Variants in FSTL5 observed in about 807,000 individuals in gnomAD.
FSTL5 encodes the protein follistatin like 5.
A neutral mutation model predicts 89.1 loss-of-function variants in FSTL5; 62 were observed. That is an observed-to-expected ratio of 0.70 (90% CI 0.57 to 0.86). The LOEUF (loss-of-function observed/expected upper bound fraction) is 0.86, where lower values mean the gene tolerates loss of function less well. Among genes scored for constraint, FSTL5 ranks in the 40% least tolerant of loss-of-function variants. FSTL5 has a pLI of 0.00. For missense variants in FSTL5, 1,057 were observed against 1,001.6 expected (o/e 1.06, Z -0.75); for synonymous variants, 383 against 346.2 (o/e 1.11, Z -1.18).
At chr4:161,820,092 C>G (rs905355462) in intron 4 of FSTL5, among the ~76,000 whole-genome samples, 3 of 152,004 alleles carry the variant, frequency 2.0e-5, no homozygotes, top group Non-Finnish European at 4.4e-5. Context: ...TGCAATATAA[C>G]AGAAGTGTAA....
intron 4 of FSTL5, among the ~76,000 whole-genome samples, chr4:161,875,163 G>C (rs139651868): frequency 7.2e-4 from 110 of 152,124 alleles, no homozygotes; most frequent in African/African-American, 2.5e-3. Context: ...TTTATTTGGA[G>C]GCAGGGAACC....
intron 6 of FSTL5, among the ~76,000 whole-genome samples, chr4:161,751,540 C>A (rs958891664): frequency 2.0e-5 from 3 of 152,092 alleles, no homozygotes; most frequent in African/African-American, 7.2e-5. Flanking sequence ...GTAATCCCAG[C>A]ACTTTGGGAG....
intron 6 of FSTL5, among the ~76,000 whole-genome samples, chr4:161,708,338 T>G (rs1181346713): frequency 6.6e-6 from 1 of 151,994 alleles, no homozygotes; most frequent in African/African-American, 2.4e-5. Context: ...TAGAGGCACT[T>G]ACAGTTTACA....
At chr4:161,522,165 GAACAAAC>G (rs1173744021) in intron 10 of FSTL5, among the ~76,000 whole-genome samples, 17 of 152,208 alleles carry the variant, frequency 1.1e-4, no homozygotes, top group African/African-American at 4.1e-4. Flanking sequence ...AACAAGGGCA[GAACAAAC>G]AACAGATAGC....
chr4:161,749,771 G>T (rs1201092496), intron 6 of FSTL5, among the ~76,000 whole-genome samples: 1 of 151,138 alleles, frequency 6.6e-6, no homozygotes, highest in Non-Finnish European at 1.5e-5. Flanking sequence ...CAGCCTGGGC[G>T]ACAGAGCGAG....
chr4:161,729,346 A>T (rs1739527137), intron 6 of FSTL5, among the ~76,000 whole-genome samples: 1 of 152,090 alleles, frequency 6.6e-6, no homozygotes, highest in African/African-American at 2.4e-5. Context: ...TCTTCCCATC[A>T]ATTTTCCTGT....
chr4:161,934,186 T>C (rs964367678), intron 3 of FSTL5, among the ~76,000 whole-genome samples: 6 of 152,122 alleles, frequency 3.9e-5, no homozygotes, highest in African/African-American at 1.4e-4. Flanking sequence ...AAACTTATGC[T>C]TTCTTGAACT....
At position 161,681,474 on chromosome 4, in the gene FSTL5, T is replaced by G. The variant is rs137873553; in HGVS notation, c.728-24980A>C. On this transcript the variant is annotated intron_variant, in intron 6 of 15. Coordinates refer to ENST00000306100, the MANE Select transcript of FSTL5 (RefSeq NM_020116.5). ...TTAGGGGTATACTAAACATATATAT[T>G]GCATTGACACTGACAAATAACAAGA... Among the ~76,000 whole-genome samples the G allele has an allele frequency of 5.9e-3, 904 of 152,224 alleles. 11 individuals carry two copies. Among genetic ancestry groups the G allele is most frequent in the South Asian group, 0.046 (224 of 4,824 alleles).
intron 4 of FSTL5, among the ~76,000 whole-genome samples, chr4:161,796,249 T>C (rs1345277016): frequency 6.6e-6 from 1 of 151,814 alleles, no homozygotes; most frequent in Non-Finnish European, 1.5e-5. Context: ...TAGTCGAAAG[T>C]TTCCCTCACC....
At chr4:161,721,060 T>C (rs1364152109) in intron 6 of FSTL5, among the ~76,000 whole-genome samples, 1 of 150,952 alleles carries the variant, frequency 6.6e-6, no homozygotes, top group Non-Finnish European at 1.5e-5. Flanking sequence ...GGGTGGATCA[T>C]GAGGTCAGGA....
chr4:162,089,174 T>C (rs1730440689), intron 2 of FSTL5, among the ~76,000 whole-genome samples: 1 of 152,122 alleles, frequency 6.6e-6, no homozygotes, highest in African/African-American at 2.4e-5. Flanking sequence ...CACTTGCTAG[T>C]TGCTGGCACC....
rs944081022 is a variant in FSTL5, at chr4:161,582,581, C to G, written c.1015+4874G>C. Among the ~76,000 whole-genome samples, 36 of 152,128 alleles carry G rather than the reference C, an allele frequency of 2.4e-4. 1 individual carries two copies. Among genetic ancestry groups the G allele is most frequent in the African/African-American group, 7.0e-4 (29 of 41,494 alleles). On this transcript the variant is annotated intron_variant, in intron 8 of 15. Transcript: ENST00000306100. ...CATAAAACCAAAGGAGAGGAACACACTAAAAAAGAGACAGTACCAATTTTA... is the reference window on the plus strand; with the variant it reads ...CATAAAACCAAAGGAGAGGAACACAGTAAAAAAGAGACAGTACCAATTTTA...
rs1348564769 is a variant in FSTL5 at position 161,616,360 on chromosome 4, G to A, written c.895-28785C>T. Among the ~76,000 whole-genome samples, 6 of 152,176 alleles carry A rather than the reference G, an allele frequency of 3.9e-5. No individual in the cohort carries two copies. In the East Asian group the frequency reaches 5.8e-4, roughly 15 times the overall value. The stretch of plus-strand genomic sequence containing the variant: ...TTGGCCTCCCAAAGTGCTGAGGAAC[G>A]TGGAAACACTAGATTGGCTTAGTCT... On this transcript the variant is annotated intron_variant, in intron 7 of 15. Transcript: ENST00000306100.
chr4:162,124,661 C>G (rs1015098232), intron 1 of FSTL5, among the ~76,000 whole-genome samples: 1 of 152,112 alleles, frequency 6.6e-6, no homozygotes, highest in Non-Finnish European at 1.5e-5. Flanking sequence ...GAGACTCTAT[C>G]AAAACATACT....
At position 161,884,022 on chromosome 4, in the gene FSTL5, T is replaced by A. The variant is rs553767762; in HGVS notation, c.409+36382A>T. Among the ~76,000 whole-genome samples, 6 of 151,298 alleles carry A rather than the reference T, an allele frequency of 4.0e-5. No individual in the cohort carries two copies. In the South Asian group the frequency reaches 1.3e-3, roughly 32 times the overall value. ...AGAATTTTATACATTCTTTTGAATT[T>A]ATGATTTTTAAATCTTTTTAGTTGT... On this transcript the variant is annotated intron_variant, in intron 4 of 15. Coordinates refer to ENST00000306100, the MANE Select transcript of FSTL5 (RefSeq NM_020116.5).
chr4:162,012,869 T>A (rs1736807375), intron 3 of FSTL5, among the ~76,000 whole-genome samples: 1 of 152,080 alleles, frequency 6.6e-6, no homozygotes, highest in South Asian at 2.1e-4. Flanking sequence ...ATTTATAGCA[T>A]TATGAAATTT....
chr4:161,626,198 C>T (rs563110769), intron 7 of FSTL5, among the ~76,000 whole-genome samples: 6 of 152,080 alleles, frequency 3.9e-5, no homozygotes, highest in South Asian at 2.1e-4. Flanking sequence ...TTGTGATGGG[C>T]GAAAATACCA....
At chr4:161,454,075 G>A (rs1246892075) in intron 15 of FSTL5, among the ~76,000 whole-genome samples, 1 of 151,840 alleles carries the variant, frequency 6.6e-6, no homozygotes, top group Non-Finnish European at 1.5e-5. Flanking sequence ...TTTTATTTTT[G>A]CAAAGTTGAA....
At chr4:161,830,960 T>C (rs1730825325) in intron 4 of FSTL5, among the ~76,000 whole-genome samples, 1 of 151,936 alleles carries the variant, frequency 6.6e-6, no homozygotes. Flanking sequence ...TCCCTATTAG[T>C]GATATTTAGC....
Sources: allele counts gnomAD v4.1 joint callset (sites outside exome capture counted in the v4.1 genomes callset), GRCh38; gene constraint gnomAD v4.1.1; transcripts MANE v1.5; gene names NCBI Gene and HGNC (gene_info 2026-07-23, HGNC 2026-07-21).